ALDOB: variants seen among roughly 807,000 people sequenced by gnomAD.
ALDOB encodes the protein aldolase, fructose-bisphosphate B.
In ALDOB, 39 loss-of-function variants were observed where a neutral mutation model predicts 41.0. The ratio of observed to expected loss-of-function variants is 0.95; its 90% CI spans 0.74 to 1.24. The LOEUF is 1.24. Among genes scored for constraint, ALDOB ranks in the 50% most tolerant of loss-of-function variants. The pLI, the probability that ALDOB is intolerant of heterozygous loss-of-function variation, is 0.00. For synonymous variants in ALDOB, 175 were observed against 168.8 expected, an observed-to-expected ratio of 1.04 and a Z score of -0.28; for missense variants, 530 against 457.3, an observed-to-expected ratio of 1.16 and a Z score of -1.45.
intron 6 of ALDOB, among the ~76,000 whole-genome samples, 200 bp from the exon 7 acceptor site, chr9:101,425,827 C>A (rs1198980467): frequency 6.6e-6 from 1 of 152,220 alleles, no homozygotes; most frequent in East Asian, 1.9e-4. Flanking sequence ...ACTGGCCTGT[C>A]TTCATCACCC....
chr9:101,431,997 A>G (rs1831226821), intron 1 of ALDOB, among the ~76,000 whole-genome samples: 1 of 152,194 alleles, frequency 6.6e-6, no homozygotes, highest in African/African-American at 2.4e-5. Flanking sequence ...TTAATGAGCA[A>G]GCTAAGACGT....
At chr9:101,435,523 G>GC (rs932816354) in intron 1 of ALDOB, among the ~76,000 whole-genome samples, 186 bp downstream of exon 1, 130 of 152,256 alleles carry the variant, frequency 8.5e-4, no homozygotes, top group African/African-American at 3.0e-3. Flanking sequence ...GTGTGAATGA[G>GC]CATTTATACT....
chr9:101,433,021 G>C (rs925834221), intron 1 of ALDOB, among the ~76,000 whole-genome samples: 1 of 152,192 alleles, frequency 6.6e-6, no homozygotes, highest in Non-Finnish European at 1.5e-5. Flanking sequence ...AGGCAAGTCA[G>C]GCAGCTTCCT....
intron 6 of ALDOB, 60 bp downstream of exon 6, chr9:101,426,495 G>T: frequency 1.9e-6 from 2 of 1,029,016 alleles, no homozygotes; most frequent in Non-Finnish European, 3.1e-6. Flanking sequence ...TTAAGTAACA[G>T]CTGTTACCTA....
chr9:101,423,026 C>T (rs1052392967), intron 8 of ALDOB, among the ~76,000 whole-genome samples: 1 of 152,186 alleles, frequency 6.6e-6, no homozygotes, highest in East Asian at 1.9e-4. Context: ...TCCCTGATGA[C>T]CTGCGCTTTC....
At chr9:101,424,439 CA>C (rs1831093713) in intron 8 of ALDOB, among the ~76,000 whole-genome samples, 1 of 145,192 alleles carries the variant, frequency 6.9e-6, no homozygotes, top group Non-Finnish European at 1.6e-5. Context: ...AACAAACAAA[CA>C]AATAAACATG....
chr9:101,425,064 C>A, intron 7 of ALDOB, 22 bp from the exon 8 acceptor site: 3 of 1,613,500 alleles, frequency 1.9e-6, no homozygotes, highest in South Asian at 1.1e-5. Flanking sequence ...GAAGCCATTT[C>A]ACTCTATTAG....
chr9:101,433,482 T>C (rs1831248283), intron 1 of ALDOB, among the ~76,000 whole-genome samples: 1 of 152,208 alleles, frequency 6.6e-6, no homozygotes, highest in African/African-American at 2.4e-5. Context: ...GAGGACAACC[T>C]GGGATGGGTA....
intron 3 of ALDOB, among the ~76,000 whole-genome samples, chr9:101,429,346 A>C (rs1279993568): frequency 3.9e-5 from 6 of 151,986 alleles, no homozygotes; most frequent in African/African-American, 1.5e-4. Flanking sequence ...TTTAGTAGAG[A>C]CAAGGTCCCA....
chr9:101,428,349 G>C, intron 4 of ALDOB, 120 bp downstream of exon 4: 1 of 906,562 alleles, frequency 1.1e-6, no homozygotes, highest in South Asian at 1.3e-5. Flanking sequence ...TGAAAACCAG[G>C]TACGTGTGGC....
intron 2 of ALDOB, 31 bp downstream of exon 2, chr9:101,430,745 G>T: frequency 6.7e-7 from 1 of 1,482,932 alleles, no homozygotes; most frequent in Non-Finnish European, 9.4e-7. Context: ...ATAATATGTT[G>T]TTATATGATG....
chr9:101,425,017 C>T lies in ALDOB; in HGVS notation c.825G>A (p.Met275Ile). ...GGTTGAGAGTGGCATCCTCTTCACT[C>T]ATGCCACCAGACAAAAAGCAGATGC... ...VPGICFLSGG[M>I]SEEDATLNLN... is the part of the protein sequence containing the mutation. The change falls in exon 8 of 9, where the codon ATG becomes ATA. Residue 275 changes from methionine to isoleucine, a missense_variant. Physicochemically the swap from Met to Ile is conservative, Grantham distance 10. Transcript: ENST00000647789. 6.2e-7 allele frequency: 1 copy of T among 1,614,214 alleles called. No individual in the cohort carries two copies. The highest frequency in any genetic ancestry group is 8.5e-7 in the Non-Finnish European group (1 of 1,180,044).
chr9:101,430,095 C>G, intron 2 of ALDOB, 129 bp from the exon 3 acceptor site: 2 of 879,662 alleles, frequency 2.3e-6, no homozygotes, highest in South Asian at 1.4e-5. Context: ...AGTCAAAGCT[C>G]CTGCTTCAAT....
At chr9:101,432,547 T>C (rs55952607) in intron 1 of ALDOB, among the ~76,000 whole-genome samples, 14,119 of 152,220 alleles carry the variant, frequency 0.093, 905 homozygotes, top group African/African-American at 0.18. Flanking sequence ...GATATTTTCT[T>C]AATGAAACAA....
intron 8 of ALDOB, among the ~76,000 whole-genome samples, chr9:101,422,825 T>A (rs1831067918): frequency 6.6e-6 from 1 of 152,216 alleles, no homozygotes; most frequent in Non-Finnish European, 1.5e-5. Flanking sequence ...TTATCCTGAT[T>A]TGATCATTAT....
chr9:101,421,524 A>T lies in ALDOB; in HGVS notation c.*285T>A. The T allele has an allele frequency of 2.1e-6, 1 of 466,366 alleles. No individual in the cohort carries two copies. The highest frequency in any genetic ancestry group is 3.9e-6 in the Non-Finnish European group (1 of 253,510). The allele number at this position is 466,366 out of a possible 1,614,324, so 28.9% of individuals were successfully genotyped here. ...CAGTTGTTCTTTGGATGAGGAGCCG[A>T]TATTGTTTTAAAGCCTATTATTTTC... On this transcript the variant is annotated 3_prime_UTR_variant, in exon 9 of 9. Coordinates refer to ENST00000647789, the MANE Select transcript of ALDOB (RefSeq NM_000035.4).
At chr9:101,423,052 T>C (rs914956598) in intron 8 of ALDOB, among the ~76,000 whole-genome samples, 9 of 152,216 alleles carry the variant, frequency 5.9e-5, no homozygotes, top group African/African-American at 2.2e-4. Context: ...CCCTCCATCA[T>C]GTAAGCTAGG....
rs17772869 is a variant in ALDOB, at chr9:101,421,603, G to T, written c.*206C>A. ...CTGAAAGTGTTGCAAGGAAACTGCT[G>T]TGTGAAATTTGATCAGGTCCTTGGT... On this transcript the variant is annotated 3_prime_UTR_variant, in exon 9 of 9. Coordinates refer to ENST00000647789, the MANE Select transcript of ALDOB (RefSeq NM_000035.4). 56,116 of 633,154 alleles carry T rather than the reference G, an allele frequency of 0.089. 2,961 individuals carry two copies. Among genetic ancestry groups the T allele is most frequent in the Middle Eastern group, 0.13 (312 of 2,376 alleles). The allele number at this position is 633,154 out of a possible 1,614,324, so 39.2% of individuals were successfully genotyped here. A position where few individuals can be genotyped will look rare whatever the true frequency, so the allele number is the denominator to read the frequency against.
intron 8 of ALDOB, among the ~76,000 whole-genome samples, chr9:101,422,605 C>T (rs1047602652): frequency 3.9e-5 from 6 of 152,116 alleles, no homozygotes; most frequent in Non-Finnish European, 7.3e-5. Context: ...TTTTAACAAG[C>T]GCTTCAAGTG....
Sources: allele counts gnomAD v4.1 joint callset (sites outside exome capture counted in the v4.1 genomes callset), GRCh38; gene constraint gnomAD v4.1.1; transcripts MANE v1.5; gene names NCBI Gene and HGNC (gene_info 2026-07-23, HGNC 2026-07-21).